The following TP63 variants were observed in gnomAD, a reference collection of about 807,000 sequenced individuals.
TP63 encodes tumor protein p63, also known as tumor protein 63.
Under a neutral mutation model 82.8 loss-of-function variants are expected in TP63, and 17 were observed. The ratio of observed to expected loss-of-function variants is 0.21; its 90% CI spans 0.14 to 0.31. The LOEUF (loss-of-function observed/expected upper bound fraction) is 0.31. TP63 is among the 10% of genes least tolerant of loss of function. The probability of loss-of-function intolerance (pLI) is 1.00; values close to 1 mark genes in which losing one functional copy is unlikely to be tolerated. For synonymous variants in TP63, 330 were observed against 321.7 expected (o/e 1.03, Z -0.28); for missense variants, 648 against 895.3 (o/e 0.72, Z 3.52).
At chr3:189,743,630 C>A (rs1238154762) in intron 3 of TP63, among the ~76,000 whole-genome samples, 1 of 152,086 alleles carries the variant, frequency 6.6e-6, no homozygotes, top group Non-Finnish European at 1.5e-5. Flanking sequence ...AGAAAGGAGT[C>A]TTCAAAATGG....
At chr3:189,673,276 A>G (rs1374056292) in intron 1 of TP63, among the ~76,000 whole-genome samples, 1 of 152,164 alleles carries the variant, frequency 6.6e-6, no homozygotes, top group Non-Finnish European at 1.5e-5. Context: ...CTGATCTGTA[A>G]AAAACCTCCA....
At chr3:189,767,817 A>G (rs985292102) in intron 3 of TP63, among the ~76,000 whole-genome samples, 6 of 152,200 alleles carry the variant, frequency 3.9e-5, no homozygotes, top group Non-Finnish European at 7.4e-5. Context: ...GTACAGAGAC[A>G]AAAGAGCTAC....
intron 11 of TP63, among the ~76,000 whole-genome samples, chr3:189,887,867 T>G (rs1402221038): frequency 5.9e-5 from 9 of 151,442 alleles, no homozygotes; most frequent in Admixed American, 4.6e-4. Context: ...TTTTTTTTTT[T>G]TTTTTTTAGA....
chr3:189,785,628 A>G (rs1418454728), intron 3 of TP63, among the ~76,000 whole-genome samples: 2 of 152,102 alleles, frequency 1.3e-5, no homozygotes, highest in Non-Finnish European at 2.9e-5. Context: ...GAACAGAAGG[A>G]CAAAAATAGC....
At chr3:189,771,102 A>G (rs1723305204) in intron 3 of TP63, among the ~76,000 whole-genome samples, 1 of 151,518 alleles carries the variant, frequency 6.6e-6, no homozygotes, top group Admixed American at 6.6e-5. Context: ...ACAGGTTAGT[A>G]TGTATGACTA....
intron 1 of TP63, among the ~76,000 whole-genome samples, chr3:189,680,916 G>C (rs1429606368): frequency 6.6e-6 from 1 of 152,150 alleles, no homozygotes; most frequent in Non-Finnish European, 1.5e-5. Flanking sequence ...CCTGGAGTCT[G>C]GGTCTGCAAG....
intron 4 of TP63, among the ~76,000 whole-genome samples, chr3:189,825,725 C>G (rs1183158742): frequency 6.6e-6 from 1 of 152,106 alleles, no homozygotes; most frequent in African/African-American, 2.4e-5. Flanking sequence ...ATAGTGGAAG[C>G]CTTCTCTTTT....
intron 4 of TP63, among the ~76,000 whole-genome samples, chr3:189,827,140 A>G (rs1465013993): frequency 2.2e-4 from 33 of 152,228 alleles, no homozygotes; most frequent in Non-Finnish European, 4.4e-5. Context: ...GGGTAATTAT[A>G]TTAATAGATA....
chr3:189,844,002 G>T (rs1186703358), intron 4 of TP63, among the ~76,000 whole-genome samples: 1 of 152,060 alleles, frequency 6.6e-6, no homozygotes, highest in Non-Finnish European at 1.5e-5. Context: ...ACCACTTAAA[G>T]CTGACTTCTC....
At chr3:189,854,206 G>C (rs2108772716) in intron 4 of TP63, among the ~76,000 whole-genome samples, 1 of 152,240 alleles carries the variant, frequency 6.6e-6, no homozygotes, top group South Asian at 2.1e-4. Flanking sequence ...GCAGCTTTTA[G>C]TGTAGTCTCT....
intron 4 of TP63, among the ~76,000 whole-genome samples, chr3:189,815,947 A>C (rs1275850133): frequency 6.6e-6 from 1 of 152,138 alleles, no homozygotes; most frequent in Non-Finnish European, 1.5e-5. Flanking sequence ...TCTGCTTCTC[A>C]TTTTTATATC....
At chr3:189,664,815 C>A (rs938905524) in intron 1 of TP63, among the ~76,000 whole-genome samples, 1 of 151,904 alleles carries the variant, frequency 6.6e-6, no homozygotes, top group African/African-American at 2.4e-5. Context: ...TAAGAGAATC[C>A]ATAGCCTTTT....
intron 1 of TP63, among the ~76,000 whole-genome samples, chr3:189,721,484 T>C (rs1179588287): frequency 1.3e-5 from 2 of 151,956 alleles, no homozygotes; most frequent in Non-Finnish European, 2.9e-5. Flanking sequence ...TTTTTTTTTT[T>C]CTCTGCATTG....
At chr3:189,741,650 A>G (rs1720998330) in intron 3 of TP63, among the ~76,000 whole-genome samples, 1 of 152,238 alleles carries the variant, frequency 6.6e-6, no homozygotes, top group East Asian at 1.9e-4. Flanking sequence ...AAAACATGTC[A>G]TATTCTTAGG....
chr3:189,606,383 T>G, the TP63 span, among the ~76,000 whole-genome samples: 1 of 151,864 alleles, frequency 6.6e-6, no homozygotes, highest in Non-Finnish European at 1.5e-5. Context: ...CAAGGTACCA[T>G]GAGTGTGAAG....
rs1721432435 is a variant in TP63, at chr3:189,895,933, A to G, written c.*1431A>G. 2 of 228,936 alleles carry G rather than the reference A, an allele frequency of 8.7e-6. No homozygotes were observed. Among genetic ancestry groups the G allele is most frequent in the African/African-American group, 2.2e-5 (1 of 45,240 alleles). The allele number at this position is 228,936 out of a possible 1,614,324, so 14.2% of individuals were successfully genotyped here. A position where few individuals can be genotyped will look rare whatever the true frequency, so the allele number is the denominator to read the frequency against. The stretch of plus-strand genomic sequence containing the variant: ...ACTGTGAGAACCCAGTTTCCCGTCC[A>G]TCTCCCTTAGGGACTACCCATAGAC... On this transcript the variant is annotated 3_prime_UTR_variant, in exon 14 of 14. Transcript: ENST00000264731.
chr3:189,605,165 A>G, the TP63 span, among the ~76,000 whole-genome samples: 1 of 152,236 alleles, frequency 6.6e-6, no homozygotes, highest in African/African-American at 2.4e-5. Context: ...TACAAATACA[A>G]TAAAAAACAA....
At chr3:189,840,953 T>G (rs111889231) in intron 4 of TP63, among the ~76,000 whole-genome samples, 42 of 152,116 alleles carry the variant, frequency 2.8e-4, no homozygotes, top group African/African-American at 9.9e-4. Flanking sequence ...TGCTCCATTA[T>G]ATGTGTGTCT....
intron 12 of TP63, among the ~76,000 whole-genome samples, 169 bp downstream of exon 12, chr3:189,889,653 A>C (rs1456796049): frequency 6.6e-6 from 1 of 152,238 alleles, no homozygotes; most frequent in Non-Finnish European, 1.5e-5. Context: ...ATGTTTTATC[A>C]AGGAAAACTA....
Sources: allele counts gnomAD v4.1 joint callset (sites outside exome capture counted in the v4.1 genomes callset), GRCh38; gene constraint gnomAD v4.1.1; transcripts MANE v1.5; gene names NCBI Gene and HGNC (gene_info 2026-07-23, HGNC 2026-07-21).